The following NLRC5 variants were observed in gnomAD, a reference collection of about 807,000 sequenced individuals.
NLRC5 encodes protein NLRC5.
A neutral mutation model predicts 206.9 loss-of-function variants in NLRC5; 114 were observed. That is an observed-to-expected ratio of 0.55 (90% CI 0.47 to 0.64). The LOEUF (loss-of-function observed/expected upper bound fraction) is 0.64. Among genes scored for constraint, NLRC5 ranks in the 30% least tolerant of loss-of-function variants. NLRC5 has a pLI of 0.00. For missense variants in NLRC5, 2,008 were observed against 2,305.5 expected, an observed-to-expected ratio of 0.87 and a Z score of 2.64; for synonymous variants, 952 against 962.8, an observed-to-expected ratio of 0.99 and a Z score of 0.21.
At chr16:57,003,588 C>T (rs1433763197) in intron 1 of NLRC5, among the ~76,000 whole-genome samples, 1 of 152,144 alleles carries the variant, frequency 6.6e-6, no homozygotes, top group Non-Finnish European at 1.5e-5. Context: ...GGCAGTCATG[C>T]CTCCCTCCCC....
In NLRC5 at chr16:57,026,693, A is replaced by C; in HGVS notation, c.1750A>C (p.Asn584His). 6.2e-7 allele frequency: 1 copy of C among 1,614,048 alleles called. No individual in the cohort carries two copies. Among genetic ancestry groups the C allele is most frequent in the Admixed American group, 1.7e-5 (1 of 60,018 alleles). ...RPFLSHLAQG[N>H]EDCVGAKQAA... ...CTTCCTTAGCCACCTGGCGCAGGGC[A>C]ATGAGGACTGTGTGGGTGCCAAGCA... Residue 584 changes from asparagine to histidine, a missense_variant, in exon 6 of 49, where the codon AAT becomes CAT. Asn to His is a moderately conservative substitution (Grantham distance 68, BLOSUM62 1). Coordinates refer to ENST00000688547, the MANE Select transcript of NLRC5 (RefSeq NM_001384950.1).
At chr16:57,038,688 A>G (rs1266508961) in intron 15 of NLRC5, among the ~76,000 whole-genome samples, 1 of 152,190 alleles carries the variant, frequency 6.6e-6, no homozygotes, top group Non-Finnish European at 1.5e-5. Flanking sequence ...TAAACCCAGC[A>G]CTTTGGGAGG....
rs574772862 is a variant in NLRC5 at position 57,007,589 on chromosome 16, G to A, written c.-127-9485G>A. 5.3e-5 allele frequency among the ~76,000 whole-genome samples: 8 copies of A among 152,158 alleles called. No homozygotes were observed. In the South Asian group the frequency reaches 1.7e-3, roughly 32 times the overall value. On this transcript the variant is annotated intron_variant, in intron 1 of 48. Coordinates refer to ENST00000688547, the MANE Select transcript of NLRC5 (RefSeq NM_001384950.1). Reference sequence around the variant, plus strand: ...AATACAAAAAAAAAAAATTAATCAGGCATGGTGGCTCGTGCCTGTAATCCC... The same window carrying A: ...AATACAAAAAAAAAAAATTAATCAGACATGGTGGCTCGTGCCTGTAATCCC...
chr16:57,052,793 C>T (rs1201792811), intron 24 of NLRC5: 1 of 152,114 alleles, frequency 6.6e-6, no homozygotes, highest in African/African-American at 2.4e-5. Flanking sequence ...TCCCACCCTG[C>T]CCGGAGATAA....
At chr16:57,023,925 AC>A (rs1335381684) in intron 5 of NLRC5, 72 bp downstream of exon 5, 1 of 1,388,682 alleles carries the variant, frequency 7.2e-7, no homozygotes, top group African/African-American at 1.4e-5. Context: ...CGGACCCTGG[AC>A]CTTGTCCCCT....
In NLRC5 at chr16:57,020,942, G is replaced by T; in HGVS notation, c.230G>T (p.Cys77Phe). Residue 77 changes from cysteine (C) to phenylalanine (F), a missense_variant, in exon 3 of 49, where the codon TGC (cysteine) becomes TTC (phenylalanine). Cys to Phe is a radical substitution (Grantham distance 205). Transcript: ENST00000688547. ...DTWQSFIHCV[C>F]MQLEVPLDLE... ...TGGCAGTCTTTCATTCATTGTGTGT[G>T]CATGCAGCTGGAGGTGCCTCTGGAC... is the stretch of plus-strand genomic sequence containing the variant. 1.9e-6 allele frequency: 3 copies of T among 1,614,042 alleles called. No homozygotes were observed. The highest frequency in any genetic ancestry group is 2.5e-6 in the Non-Finnish European group (3 of 1,180,022).
intron 45 of NLRC5, 103 bp downstream of exon 45, chr16:57,079,395 C>G: frequency 4.2e-6 from 6 of 1,418,344 alleles, no homozygotes; most frequent in Non-Finnish European, 6.0e-6. Flanking sequence ...GTGATAGAAG[C>G]CCCAGGGATG....
intron 6 of NLRC5, among the ~76,000 whole-genome samples, chr16:57,027,531 T>C (rs2061376180): frequency 6.6e-6 from 1 of 152,216 alleles, no homozygotes; most frequent in Admixed American, 6.5e-5. Context: ...ATACAGTAGG[T>C]TAAATAATGT....
At chr16:57,037,595 C>G (rs1362881607) in intron 15 of NLRC5, among the ~76,000 whole-genome samples, 1 of 152,198 alleles carries the variant, frequency 6.6e-6, no homozygotes, top group African/African-American at 2.4e-5. Context: ...AGCCCAAACT[C>G]TCCAGTGGGA....
At chr16:57,013,720 C>A (rs1180765932) in intron 1 of NLRC5, 1 of 742,298 alleles carries the variant, frequency 1.3e-6, no homozygotes, top group South Asian at 1.5e-5. Context: ...GTGGTTGTGC[C>A]TGATAAAAGT....
Position 57,031,418 on chromosome 16 carries a change from TCTTC to T in NLRC5, c.2437_2440del (p.Leu813PhefsTer32). The T allele has an allele frequency of 6.2e-7, 1 of 1,613,828 alleles. No homozygotes were observed. ...TGATCCTGCAGGGAGGCGGACCTCATCTTCCTTCTTTCCCCGCCCACAGAGACAA... is the reference window on the plus strand; with the variant it reads ...TGATCCTGCAGGGAGGCGGACCTCATCTTCTTTCCCCGCCCACAGAGACAA... On this transcript the variant is annotated frameshift_variant, in exon 11 of 49. Transcript: ENST00000688547. LOFTEE classifies it high-confidence loss of function.
At chr16:57,051,662 C>T (rs376472794) in intron 24 of NLRC5, 41 bp downstream of exon 24, 41 of 1,533,712 alleles carry the variant, frequency 2.7e-5, no homozygotes, top group South Asian at 1.2e-4. Context: ...TCCTTGTGCT[C>T]GTGTTTCTAA....
chr16:57,081,656 C>T, intron 48 of NLRC5, 46 bp downstream of exon 48: 1 of 1,530,462 alleles, frequency 6.5e-7, no homozygotes, highest in African/African-American at 1.4e-5. Flanking sequence ...GGAGGCTACA[C>T]CAACCCCCAG....
At chr16:57,013,799 G>T in intron 1 of NLRC5, 5 of 701,274 alleles carry the variant, frequency 7.1e-6, no homozygotes, top group South Asian at 4.7e-5. Flanking sequence ...ACCCAGAAGC[G>T]CAACTGAACT....
chr16:57,043,445 T>G, intron 19 of NLRC5, 70 bp from the exon 20 acceptor site: 2 of 1,190,082 alleles, frequency 1.7e-6, no homozygotes, highest in Non-Finnish European at 2.5e-6. Flanking sequence ...CCCCGCCCTG[T>G]GCCCTGACCA....
At chr16:57,006,110 C>T (rs1456260636) in intron 1 of NLRC5, among the ~76,000 whole-genome samples, 3 of 151,576 alleles carry the variant, frequency 2.0e-5, no homozygotes, top group Admixed American at 2.0e-4. Flanking sequence ...GCAATCCTCC[C>T]ACCTCAACCT....
intron 37 of NLRC5, 146 bp downstream of exon 37, chr16:57,070,065 C>T (rs1246155882): frequency 2.9e-6 from 2 of 681,850 alleles, no homozygotes; most frequent in African/African-American, 3.6e-5. Flanking sequence ...CTGGGTGTGG[C>T]CTGGGGAAGG....
chr16:57,074,790 C>CAAA, intron 39 of NLRC5, 107 bp downstream of exon 39: 1 of 1,050,836 alleles, frequency 9.5e-7, no homozygotes, highest in Non-Finnish European at 1.5e-6. Flanking sequence ...GGATCCTTTG[C>CAAA]GGATCCCTCC....
intron 1 of NLRC5, among the ~76,000 whole-genome samples, chr16:57,001,532 C>A (rs373042182): frequency 3.3e-5 from 5 of 152,198 alleles, no homozygotes; most frequent in African/African-American, 1.2e-4. Flanking sequence ...GCTGGAGAGA[C>A]GGAAGAAGCG....
Sources: allele counts gnomAD v4.1 joint callset (sites outside exome capture counted in the v4.1 genomes callset), GRCh38; gene constraint gnomAD v4.1.1; transcripts MANE v1.5; gene names NCBI Gene and HGNC (gene_info 2026-07-23, HGNC 2026-07-21).